UFSP2: variants seen among roughly 807,000 people sequenced by gnomAD.
UFSP2 encodes UFM1 specific peptidase 2, also known as ufm1-specific protease 2.
In UFSP2, 43 loss-of-function variants were observed where a neutral mutation model predicts 60.2. The ratio of observed to expected loss-of-function variants is 0.71; its 90% CI spans 0.56 to 0.92. The LOEUF (loss-of-function observed/expected upper bound fraction) is 0.92, where lower values mean the gene tolerates loss of function less well. UFSP2 is among the 40% of genes least tolerant of loss of function. The pLI, the probability that UFSP2 is intolerant of heterozygous loss-of-function variation, is 0.00. For synonymous variants in UFSP2, 183 were observed against 195.1 expected (o/e 0.94, Z 0.52); for missense variants, 520 against 575.0 (o/e 0.90, Z 0.98).
chr4:185,399,807 C>G lies in UFSP2; in HGVS notation c.*585G>C. On this transcript the variant is annotated 3_prime_UTR_variant, in exon 12 of 12. Coordinates refer to ENST00000264689, the MANE Select transcript of UFSP2 (RefSeq NM_018359.5). Reference sequence around the variant, plus strand: ...CTCAGAGCTGCTGCTTTTTTCCTCCCGCAGTGATCTCTTGTTTGCATAGCA... The same window carrying G: ...CTCAGAGCTGCTGCTTTTTTCCTCCGGCAGTGATCTCTTGTTTGCATAGCA... The G allele has an allele frequency of 6.2e-7, 1 of 1,612,194 alleles. No homozygotes were observed. The highest frequency in any genetic ancestry group is 8.5e-7 in the Non-Finnish European group (1 of 1,178,908).
At position 185,418,447 on chromosome 4, in the gene UFSP2, T is replaced by C. The variant is rs953216576; in HGVS notation, c.327A>G (p.Ser109=). The C allele has an allele frequency of 1.9e-6, 3 of 1,607,384 alleles. No individual in the cohort carries two copies. Among genetic ancestry groups the C allele is most frequent in the Non-Finnish European group, 8.5e-7 (1 of 1,174,780 alleles). Residue 109 remains serine, a synonymous_variant, in exon 4 of 12, where the codon TCA becomes TCG. Transcript: ENST00000264689. The stretch of plus-strand genomic sequence containing the variant: ...AGACAGATAGTTTGCTTACCATGTC[T>C]GATAACTTTTTGTCCTTCTTTCTCA... ...KFMRKKDKKL[S]DMHQIVNIDL... is the part of the protein sequence containing the mutation.
At chr4:185,424,358 A>G (rs2095555217) in intron 1 of UFSP2, among the ~76,000 whole-genome samples, 1 of 152,188 alleles carries the variant, frequency 6.6e-6, no homozygotes, top group Non-Finnish European at 1.5e-5. Flanking sequence ...TATGCTAAAC[A>G]TACATACTTA....
At chr4:185,409,093 G>T (rs981907312) in intron 7 of UFSP2, among the ~76,000 whole-genome samples, 1 of 152,004 alleles carries the variant, frequency 6.6e-6, no homozygotes, top group Non-Finnish European at 1.5e-5. Context: ...CTGGCACACG[G>T]TTAATATAAA....
rs1282457549 is a variant in UFSP2 at position 185,415,322 on chromosome 4, T to C, written c.517A>G (p.Ile173Val). 1 of 1,594,130 alleles carries C rather than the reference T, an allele frequency of 6.3e-7. No homozygotes were observed. Among genetic ancestry groups the C allele is most frequent in the African/African-American group, 1.4e-5 (1 of 73,664 alleles). Residue 173 changes from isoleucine to valine, a missense_variant, in exon 6 of 12, where the codon ATT (isoleucine) becomes GTT (valine). Transcript: ENST00000264689. ...GKVRKLLVDA[I>V]HNQLTDMEKC... The stretch of plus-strand genomic sequence containing the variant: ...TCCATGTCAGTTAGTTGATTATGAA[T>C]TGCATCAACCAGGAGTTTACGAACT...
At chr4:185,400,956 T>C (rs1034688177) in intron 11 of UFSP2, among the ~76,000 whole-genome samples, 6 of 152,248 alleles carry the variant, frequency 3.9e-5, no homozygotes, top group African/African-American at 1.2e-4. Context: ...TGTTACTCAA[T>C]TCTACTTCCC....
chr4:185,409,840 T>A (rs1422059878), intron 7 of UFSP2, among the ~76,000 whole-genome samples: 1 of 152,016 alleles, frequency 6.6e-6, no homozygotes, highest in East Asian at 1.9e-4. Flanking sequence ...GAGAAGGTAA[T>A]GTGACTGAGG....
intron 11 of UFSP2, among the ~76,000 whole-genome samples, chr4:185,401,934 C>T (rs559942247): frequency 2.6e-4 from 39 of 152,188 alleles, no homozygotes; most frequent in African/African-American, 9.1e-4. Context: ...AAGAAAAAAT[C>T]GAAATGCCTG....
intron 10 of UFSP2, among the ~76,000 whole-genome samples, chr4:185,403,932 C>T (rs2126877743): frequency 6.7e-6 from 1 of 148,326 alleles, no homozygotes; most frequent in East Asian, 2.0e-4. Flanking sequence ...GATCATGCCA[C>T]CGCACTCCAG....
At chr4:185,418,347 G>A in intron 4 of UFSP2, 94 bp downstream of exon 4, 1 of 964,040 alleles carries the variant, frequency 1.0e-6, no homozygotes. Flanking sequence ...TCTGACCTAT[G>A]ATAAGAGGGT....
intron 2 of UFSP2, among the ~76,000 whole-genome samples, chr4:185,419,219 C>T (rs2095544940): frequency 6.6e-6 from 1 of 152,090 alleles, no homozygotes; most frequent in Non-Finnish European, 1.5e-5. Context: ...GCAAGCTCCG[C>T]CTCCCGGGTT....
At chr4:185,401,643 C>T (rs1643884072) in intron 11 of UFSP2, among the ~76,000 whole-genome samples, 1 of 152,182 alleles carries the variant, frequency 6.6e-6, no homozygotes, top group Admixed American at 6.6e-5. Context: ...TCCTGGGTTC[C>T]TGGAGTCAAG....
chr4:185,422,265 A>G (rs1207430690), intron 2 of UFSP2, among the ~76,000 whole-genome samples: 6 of 152,250 alleles, frequency 3.9e-5, no homozygotes, highest in Admixed American at 3.9e-4. Context: ...AAGTCTCTTA[A>G]GAAAGGGAAC....
At chr4:185,425,477 G>A (rs753191251) in intron 1 of UFSP2, among the ~76,000 whole-genome samples, 11 of 152,176 alleles carry the variant, frequency 7.2e-5, no homozygotes, top group Non-Finnish European at 1.5e-4. Context: ...ACCTTGCTGA[G>A]CAATGAGACA....
intron 10 of UFSP2, among the ~76,000 whole-genome samples, chr4:185,405,237 A>G (rs2095518941): frequency 1.3e-5 from 2 of 151,068 alleles, no homozygotes; most frequent in Admixed American, 6.6e-5. Flanking sequence ...GATGCAAGCT[A>G]TCCTCCTGCC....
intron 7 of UFSP2, among the ~76,000 whole-genome samples, chr4:185,413,353 A>G (rs1256078622): frequency 6.6e-6 from 1 of 152,202 alleles, no homozygotes; most frequent in East Asian, 1.9e-4. Flanking sequence ...ACACCATTGC[A>G]CTACAGCCTG....
In UFSP2 at chr4:185,403,518, T is replaced by C; in HGVS notation, c.1299A>G (p.Glu433=). The C allele has an allele frequency of 6.2e-7, 1 of 1,613,834 alleles. No individual in the cohort carries two copies. The part of the protein sequence containing the change: ...LILDPHYTGA[E]DLQVILEKGW... ...CCTTTTCCAAAATAACTTGCAGGTCTTCAGCACCGGTATAATGTGGATCTA... is the reference window on the plus strand; with the variant it reads ...CCTTTTCCAAAATAACTTGCAGGTCCTCAGCACCGGTATAATGTGGATCTA... The change falls in exon 11 of 12, where the codon GAA becomes GAG. Residue 433 remains glutamate (E), a synonymous_variant. Transcript: ENST00000264689.
intron 2 of UFSP2, among the ~76,000 whole-genome samples, chr4:185,420,464 T>A (rs2095547409): frequency 6.6e-6 from 1 of 152,174 alleles, no homozygotes; most frequent in East Asian, 1.9e-4. Context: ...CTTGTAAATA[T>A]TTATTCAATG....
chr4:185,411,740 T>C (rs2095529731), intron 7 of UFSP2, among the ~76,000 whole-genome samples: 1 of 152,174 alleles, frequency 6.6e-6, no homozygotes, highest in Non-Finnish European at 1.5e-5. Flanking sequence ...TCGAGAGGTA[T>C]AGGAATGTTC....
At chr4:185,404,514 G>T (rs544104919) in intron 10 of UFSP2, among the ~76,000 whole-genome samples, 1 of 151,892 alleles carries the variant, frequency 6.6e-6, no homozygotes, top group Non-Finnish European at 1.5e-5. Flanking sequence ...AGCCAGGATG[G>T]TCTCGATCTC....
Sources: allele counts gnomAD v4.1 joint callset (sites outside exome capture counted in the v4.1 genomes callset), GRCh38; gene constraint gnomAD v4.1.1; transcripts MANE v1.5; gene names NCBI Gene and HGNC (gene_info 2026-07-23, HGNC 2026-07-21).